The following R3HDM1 variants were observed in gnomAD, a reference collection of about 807,000 sequenced individuals.
The protein encoded by R3HDM1 is R3H domain-containing protein 1.
R3HDM1 carries 46 observed loss-of-function variants against 141.1 expected under a neutral mutation model. The ratio of observed to expected loss-of-function variants is 0.33; its 90% CI spans 0.26 to 0.42. The LOEUF (loss-of-function observed/expected upper bound fraction) is 0.42. R3HDM1 is among the 10% of genes least tolerant of loss of function. The pLI, the probability that R3HDM1 is intolerant of heterozygous loss-of-function variation, is 1.00. For synonymous variants in R3HDM1, 435 were observed against 472.9 expected (o/e 0.92, Z 1.04); for missense variants, 1,184 against 1,368.3 (o/e 0.87, Z 2.12).
intron 7 of R3HDM1, among the ~76,000 whole-genome samples, chr2:135,626,084 G>A (rs921660652): frequency 7.2e-5 from 11 of 152,208 alleles, no homozygotes; most frequent in Admixed American, 7.2e-4. Context: ...CTTGGGGACT[G>A]AGCCCCAAAC....
chr2:135,694,109 T>C (rs1339808994), intron 21 of R3HDM1, among the ~76,000 whole-genome samples: 2 of 152,254 alleles, frequency 1.3e-5, no homozygotes, highest in East Asian at 1.9e-4. Context: ...TTTACAGCTT[T>C]TATTCCTCAA....
At chr2:135,609,166 G>A (rs1574312930) in intron 3 of R3HDM1, among the ~76,000 whole-genome samples, 1 of 152,132 alleles carries the variant, frequency 6.6e-6, no homozygotes, top group African/African-American at 2.4e-5. Context: ...TCCAAGCAGA[G>A]ATTATCTCAG....
At chr2:135,604,572 G>T (rs1198299391) in intron 2 of R3HDM1, among the ~76,000 whole-genome samples, 1 of 152,196 alleles carries the variant, frequency 6.6e-6, no homozygotes, top group African/African-American at 2.4e-5. Flanking sequence ...TGGGACTACA[G>T]CTGGGTACCA....
At chr2:135,575,893 A>T (rs1705310338) in intron 1 of R3HDM1, among the ~76,000 whole-genome samples, 1 of 152,234 alleles carries the variant, frequency 6.6e-6, no homozygotes, top group Non-Finnish European at 1.5e-5. Flanking sequence ...ACAAGTTGAT[A>T]CTAAGTCTTA....
chr2:135,674,938 GT>G (rs113400095), intron 19 of R3HDM1, among the ~76,000 whole-genome samples: 3,126 of 124,186 alleles, frequency 0.025, 86 homozygotes, highest in African/African-American at 0.076. Context: ...AATAGTTGTT[GT>G]TTTTTTTTTT....
At chr2:135,618,209 G>A (rs1212700716) in intron 5 of R3HDM1, among the ~76,000 whole-genome samples, 1 of 150,858 alleles carries the variant, frequency 6.6e-6, no homozygotes, top group Admixed American at 6.6e-5. Flanking sequence ...TGTTGACCGG[G>A]CTGGAGTGCA....
chr2:135,628,676 G>A (rs987646001), intron 7 of R3HDM1, among the ~76,000 whole-genome samples: 1 of 152,134 alleles, frequency 6.6e-6, no homozygotes, highest in Admixed American at 6.5e-5. Context: ...GCCCAGGCTG[G>A]AGTGCAATGG....
chr2:135,679,293 A>C (rs2069800363), intron 20 of R3HDM1, among the ~76,000 whole-genome samples: 1 of 152,076 alleles, frequency 6.6e-6, no homozygotes, highest in Non-Finnish European at 1.5e-5. Context: ...AACAGAACTG[A>C]AAGATACACT....
chr2:135,660,434 A>T (rs543121387), intron 18 of R3HDM1, among the ~76,000 whole-genome samples: 1 of 152,334 alleles, frequency 6.6e-6, no homozygotes, highest in Admixed American at 6.5e-5. Flanking sequence ...AACCTGTCAC[A>T]TGAGGTCAGG....
intron 1 of R3HDM1, chr2:135,583,989 G>A: frequency 1.0e-6 from 1 of 985,290 alleles, no homozygotes; most frequent in Non-Finnish European, 1.2e-6. Flanking sequence ...ATTCCAAAAT[G>A]GATAGCACAA....
intron 1 of R3HDM1, among the ~76,000 whole-genome samples, chr2:135,593,744 G>A (rs766045396): frequency 1.4e-4 from 19 of 139,008 alleles, no homozygotes; most frequent in South Asian, 2.1e-4. Context: ...TTTTTGAGAC[G>A]GAGTCTGACT....
intron 18 of R3HDM1, among the ~76,000 whole-genome samples, chr2:135,653,821 G>A (rs1366185437): frequency 1.3e-5 from 2 of 152,084 alleles, no homozygotes; most frequent in South Asian, 2.1e-4. Flanking sequence ...CTAGCTACTC[G>A]GTAGCGTGAG....
intron 7 of R3HDM1, among the ~76,000 whole-genome samples, chr2:135,630,291 A>AG (rs1559291223): frequency 1.4e-5 from 2 of 144,666 alleles, no homozygotes; most frequent in African/African-American, 5.4e-5. Context: ...CAAAAAAAAA[A>AG]AAAAAAAAAA....
chr2:135,550,392 T>C (rs574856152), intron 1 of R3HDM1, among the ~76,000 whole-genome samples: 2 of 152,228 alleles, frequency 1.3e-5, no homozygotes, highest in Non-Finnish European at 2.9e-5. Context: ...GAGAACCCAA[T>C]GGTAAAATAG....
chr2:135,669,467 A>C, intron 19 of R3HDM1: 1 of 984,608 alleles, frequency 1.0e-6, no homozygotes, highest in African/African-American at 1.7e-5. Flanking sequence ...TCCTGTAATT[A>C]AGTTTATCTT....
chr2:135,555,831 G>GC (rs1700649110), intron 1 of R3HDM1, among the ~76,000 whole-genome samples: 2 of 152,254 alleles, frequency 1.3e-5, no homozygotes, highest in South Asian at 4.1e-4. Context: ...TTTGAGATCA[G>GC]CTGGGGCAAC....
intron 19 of R3HDM1, chr2:135,667,805 A>G (rs2067761618): frequency 1.1e-6 from 1 of 933,376 alleles, no homozygotes; most frequent in Non-Finnish European, 1.3e-6. Flanking sequence ...TTCAAACTAT[A>G]CTTTTGACAC....
chr2:135,640,098 CAAA>C (rs909774063), intron 14 of R3HDM1, among the ~76,000 whole-genome samples: 10 of 69,818 alleles, frequency 1.4e-4, no homozygotes, highest in Non-Finnish European at 8.7e-5. Flanking sequence ...GACTCCGTCT[CAAA>C]AAAAAAAAAA....
intron 19 of R3HDM1, among the ~76,000 whole-genome samples, chr2:135,665,771 C>G (rs112467485): frequency 6.6e-5 from 10 of 152,106 alleles, no homozygotes; most frequent in African/African-American, 2.4e-4. Context: ...AACTCATTAG[C>G]AGAAGTCAAA....
Sources: gnomAD v4.1 joint callset for allele counts (sites outside exome capture counted in the v4.1 genomes callset) on GRCh38, gnomAD v4.1.1 for gene constraint, MANE v1.5 for transcripts, NCBI Gene and HGNC (gene_info 2026-07-23, HGNC 2026-07-21) for gene names.